The following CENPF variants were observed in gnomAD, a reference collection of about 807,000 sequenced individuals.
CENPF encodes the protein AH antigen.
Under a neutral mutation model 307.3 loss-of-function variants are expected in CENPF, and 214 were observed. The observed-to-expected ratio is 0.70, with a 90% CI of 0.62 to 0.78. The LOEUF (loss-of-function observed/expected upper bound fraction) is 0.78. Among genes scored for constraint, CENPF ranks in the 30% least tolerant of loss-of-function variants. The pLI, the probability that CENPF is intolerant of heterozygous loss-of-function variation, is 0.00. For synonymous variants in CENPF, 1,259 were observed against 1,270.6 expected (o/e 0.99, Z 0.19); for missense variants, 3,401 against 3,483.9 (o/e 0.98, Z 0.60).
Position 214,608,631 on chromosome 1 carries a change from C to A in CENPF, c.-41-5083C>A. ...TGTACTGGAAGTCGGCGCGCTCCGTCAGGTGCAGCTTCCAGCGCCCGGGTG... is the reference window on the plus strand; with the variant it reads ...TGTACTGGAAGTCGGCGCGCTCCGTAAGGTGCAGCTTCCAGCGCCCGGGTG... On this transcript the variant is annotated intron_variant, in intron 1 of 19. Coordinates refer to ENST00000366955, the MANE Select transcript of CENPF (RefSeq NM_016343.4). The A allele has an allele frequency of 3.7e-6, 6 of 1,605,332 alleles. No homozygotes were observed. In the South Asian group the frequency reaches 5.5e-5, roughly 15 times the overall value.
chr1:214,624,498 G>A (rs192483784), intron 7 of CENPF, among the ~76,000 whole-genome samples: 122 of 152,200 alleles, frequency 8.0e-4, no homozygotes, highest in Non-Finnish European at 1.4e-3. Flanking sequence ...GGGGGAATTA[G>A]GATAGTTTGT....
chr1:214,604,870 A>G (rs771350926), intron 1 of CENPF, among the ~76,000 whole-genome samples: 2 of 152,210 alleles, frequency 1.3e-5, no homozygotes, highest in Non-Finnish European at 2.9e-5. Context: ...ACTGGTAGCA[A>G]AACACAGCTT....
rs753765821 is a variant in CENPF at position 214,642,559 on chromosome 1, G to T, written c.4221G>T (p.Leu1407Phe). The part of the protein sequence containing the change: ...DKEVQMHFAE[L>F]QEKFLSLQSE... ...AAGTTCAAATGCACTTTGCCGAATT[G>T]CAAGAGAAATTCTTATCTTTACAAA... The change falls in exon 12 of 20, where the codon TTG (leucine) becomes TTT (phenylalanine). Residue 1407 changes from leucine to phenylalanine, a missense_variant. Transcript: ENST00000366955. 25 of 1,611,310 alleles carry T rather than the reference G, an allele frequency of 1.6e-5. No homozygotes were observed. The South Asian group carries it at 2.5e-4, about 16-fold the overall frequency.
intron 13 of CENPF, 96 bp downstream of exon 13, chr1:214,647,496 C>G: frequency 4.4e-6 from 6 of 1,367,198 alleles, no homozygotes; most frequent in Middle Eastern, 2.6e-4. Flanking sequence ...ACTTCTAGAC[C>G]GTGTCTGCTA....
At position 214,646,260 on chromosome 1, in the gene CENPF, C is replaced by G. The variant is rs1658297238; in HGVS notation, c.6690C>G (p.Asp2230Glu). 1.1e-5 allele frequency: 17 copies of G among 1,613,948 alleles called. No homozygotes were observed. The highest frequency in any genetic ancestry group is 1.4e-5 in the Non-Finnish European group (17 of 1,179,986). ...QEKQGQLSEL[D>E]KLLSSFKSLL... Reference sequence around the variant, plus strand: ...AACAAGGTCAGTTGTCAGAACTAGACAAGTTACTCTCTTCATTTAAAAGTC... The same window carrying G: ...AACAAGGTCAGTTGTCAGAACTAGAGAAGTTACTCTCTTCATTTAAAAGTC... The change falls in exon 13 of 20, where the codon GAC (aspartate) becomes GAG (glutamate). Residue 2230 changes from aspartate (D) to glutamate (E), a missense_variant. By Grantham distance (45) the Asp-to-Glu change is conservative (BLOSUM62 2). Coordinates refer to ENST00000366955, the MANE Select transcript of CENPF (RefSeq NM_016343.4).
rs1199168592 is a variant in CENPF at position 214,603,290 on chromosome 1, C to A, written c.-73C>A. 1.3e-5 allele frequency: 2 copies of A among 152,344 alleles called. No homozygotes were observed. The highest frequency in any genetic ancestry group is 1.3e-4 in the Admixed American group (2 of 15,290). The allele number at this position is 152,344 out of a possible 1,614,324, so 9.4% of individuals were successfully genotyped here. ...GAAGCCGCGCCAGAACTGTACTCTCCGAGAGGTCGTTTTCCCGTCCCCGAG... is the reference window on the plus strand; with the variant it reads ...GAAGCCGCGCCAGAACTGTACTCTCAGAGAGGTCGTTTTCCCGTCCCCGAG... On this transcript the variant is annotated 5_prime_UTR_variant, in exon 1 of 20. Transcript: ENST00000366955.
chr1:214,623,816 G>A (rs1198280555), intron 7 of CENPF, among the ~76,000 whole-genome samples: 1 of 152,044 alleles, frequency 6.6e-6, no homozygotes, highest in African/African-American at 2.4e-5. Flanking sequence ...GAGGGAGGCA[G>A]AAAATAACAA....
chr1:214,644,547 A>T lies in CENPF; in HGVS notation c.4987-10A>T, dbSNP rs1658224734. The T allele has an allele frequency of 1.3e-6, 2 of 1,557,736 alleles. No individual in the cohort carries two copies. The highest frequency in any genetic ancestry group is 1.7e-6 in the Non-Finnish European group (2 of 1,154,436). ...ATAAAATGCATGCTTGTTATGTATT[A>T]TAATTACAGGCTATTCAAGGCCGAA... On this transcript the variant is annotated splice_polypyrimidine_tract_variant and intron_variant, in intron 12 of 19. Transcript: ENST00000366955.
Position 214,630,625 on chromosome 1 carries a change from A to G in CENPF, c.1286A>G (p.Lys429Arg). 2 of 1,614,208 alleles carry G rather than the reference A, an allele frequency of 1.2e-6. No homozygotes were observed. The highest frequency in any genetic ancestry group is 2.2e-5 in the South Asian group (2 of 91,086). Reference sequence around the variant, plus strand: ...CTCACCCAGGAGTTACAGCAAGCCAAGAATATGCACAACGTCCTGCAGGCT... The same window carrying G: ...CTCACCCAGGAGTTACAGCAAGCCAGGAATATGCACAACGTCCTGCAGGCT... ...ARLTQELQQA[K>R]NMHNVLQAEL... Residue 429 changes from lysine (K) to arginine (R), a missense_variant, in exon 9 of 20, where the codon AAG becomes AGG. Coordinates refer to ENST00000366955, the MANE Select transcript of CENPF (RefSeq NM_016343.4).
chr1:214,652,697 C>A (rs980271002), intron 15 of CENPF, 131 bp from the exon 16 acceptor site: 3 of 670,670 alleles, frequency 4.5e-6, no homozygotes, highest in African/African-American at 3.7e-5. Flanking sequence ...CCCACCTTGG[C>A]CTCCCAAAGT....
At chr1:214,630,287 C>G (rs144533095) in intron 8 of CENPF, among the ~76,000 whole-genome samples, 32 of 152,306 alleles carry the variant, frequency 2.1e-4, no homozygotes, top group African/African-American at 7.2e-4. Flanking sequence ...GAGGTGGAAA[C>G]AGGCTACTTT....
intron 10 of CENPF, among the ~76,000 whole-genome samples, chr1:214,637,064 C>T (rs569032072): frequency 2.6e-5 from 4 of 152,308 alleles, no homozygotes; most frequent in African/African-American, 9.6e-5. Context: ...ACACATGTAC[C>T]TGTGTTACTT....
At position 214,608,892 on chromosome 1, in the gene CENPF, G is replaced by C. The variant is rs1470466274; in HGVS notation, c.-41-4822G>C. ...CACCGGGGCCCCAGCCAACAACGCC[G>C]CCCGGCCTGGCCCGGCAGGGGAGGG... On this transcript the variant is annotated intron_variant, in intron 1 of 19. Transcript: ENST00000366955. The C allele has an allele frequency of 2.2e-6, 3 of 1,391,020 alleles. No individual in the cohort carries two copies. In the East Asian group the frequency reaches 8.9e-5, roughly 41 times the overall value. The allele number at this position is 1,391,020 out of a possible 1,614,324, so 86.2% of individuals were successfully genotyped here.
rs778689932 is a variant in CENPF, at chr1:214,658,923, C to G, written c.9036C>G (p.Ser3012Arg). 15 of 1,613,904 alleles carry G rather than the reference C, an allele frequency of 9.3e-6. No homozygotes were observed. In the Middle Eastern group the frequency reaches 6.6e-4, roughly 71 times the overall value. ...LRRTTMATRT[S>R]PRLAAQKLAL... ...GAACAACCATGGCAACTCGGACCAG[C>G]CCCCGCCTGGCTGCACAGAAGTTAG... Residue 3012 changes from serine to arginine, a missense_variant, in exon 19 of 20, where the codon AGC becomes AGG. Physicochemically the swap from Ser to Arg is moderately radical, Grantham distance 110. Transcript: ENST00000366955.
chr1:214,617,686 A>C (rs150597094), intron 3 of CENPF, among the ~76,000 whole-genome samples: 139 of 152,326 alleles, frequency 9.1e-4, no homozygotes, highest in African/African-American at 3.3e-3. Flanking sequence ...TAAAAATGTC[A>C]TATAATATAT....
rs199839240 is a variant in CENPF, at chr1:214,641,894, A to C, written c.3556A>C (p.Asn1186His). 10 of 1,592,714 alleles carry C rather than the reference A, an allele frequency of 6.3e-6. No homozygotes were observed. In the Admixed American group the frequency reaches 1.3e-4, roughly 21 times the overall value. Reference sequence around the variant, plus strand: ...TGTGAAAGAAAGAGAGAGTGAGAGAAATCAATGTAATTTTAAACCTCAGAT... The same window carrying C: ...TGTGAAAGAAAGAGAGAGTGAGAGACATCAATGTAATTTTAAACCTCAGAT... ...NSVKERESER[N>H]QCNFKPQMDL... is the part of the protein sequence containing the mutation. Residue 1186 changes from asparagine to histidine, a missense_variant, in exon 12 of 20, where the codon AAT becomes CAT. Asn to His is a moderately conservative substitution (Grantham distance 68). Coordinates refer to ENST00000366955, the MANE Select transcript of CENPF (RefSeq NM_016343.4).
chr1:214,632,319 G>A (rs1657830649), intron 9 of CENPF, among the ~76,000 whole-genome samples, 161 bp from the exon 10 acceptor site: 3 of 151,948 alleles, frequency 2.0e-5, no homozygotes, highest in African/African-American at 7.3e-5. Context: ...GTCACATTAT[G>A]GTATTTTAAG....
At chr1:214,644,472 T>C in intron 12 of CENPF, 85 bp from the exon 13 acceptor site, 2 of 1,324,870 alleles carry the variant, frequency 1.5e-6, no homozygotes, top group Non-Finnish European at 2.0e-6. Flanking sequence ...CACGCATCAG[T>C]TTCTAAAAAG....
rs576346142 is a variant in CENPF, at chr1:214,619,206, G to C, written c.559G>C (p.Ala187Pro). The C allele has an allele frequency of 1.3e-5, 21 of 1,559,296 alleles. No homozygotes were observed. The South Asian group carries it at 2.4e-4, about 18-fold the overall frequency. Residue 187 changes from alanine (A) to proline (P), a missense_variant, in exon 5 of 20, where the codon GCC (alanine) becomes CCC (proline). Coordinates refer to ENST00000366955, the MANE Select transcript of CENPF (RefSeq NM_016343.4). ...ERKRLEAEVK[A>P]LQAKKASQTL... ...AAAAAGATTAGAGGCAGAGGTTAAAGCCTTGCAGGCTAAAGTAAGTTAATT... is the reference window on the plus strand; with the variant it reads ...AAAAAGATTAGAGGCAGAGGTTAAACCCTTGCAGGCTAAAGTAAGTTAATT...
Sources: allele counts gnomAD v4.1 joint callset (sites outside exome capture counted in the v4.1 genomes callset), GRCh38; gene constraint gnomAD v4.1.1; transcripts MANE v1.5; gene names NCBI Gene and HGNC (gene_info 2026-07-23, HGNC 2026-07-21).